Variants in ARPP21 observed in about 807,000 individuals in gnomAD.
ARPP21 encodes cAMP-regulated phosphoprotein 21.
Under a neutral mutation model 113.2 loss-of-function variants are expected in ARPP21, and 69 were observed. The ratio of observed to expected loss-of-function variants is 0.61; its 90% CI spans 0.50 to 0.74. ARPP21 has a LOEUF of 0.74. Among genes scored for constraint, ARPP21 ranks in the 30% least tolerant of loss-of-function variants. The pLI is 0.00. For missense variants in ARPP21, 1,070 were observed against 1,037.4 expected, an observed-to-expected ratio of 1.03 and a Z score of -0.43; for synonymous variants, 368 against 375.5, an observed-to-expected ratio of 0.98 and a Z score of 0.23.
intron 19 of ARPP21, among the ~76,000 whole-genome samples, chr3:35,776,866 T>C (rs1186760810): frequency 6.6e-6 from 1 of 152,166 alleles, no homozygotes; most frequent in African/African-American, 2.4e-5. Flanking sequence ...CCTGGATATC[T>C]GCTTCCCAGT....
At chr3:35,746,509 A>C (rs1244274926) in intron 19 of ARPP21, among the ~76,000 whole-genome samples, 1 of 152,146 alleles carries the variant, frequency 6.6e-6, no homozygotes, top group East Asian at 1.9e-4. Flanking sequence ...TCCATCTTTA[A>C]GTCAAACTAT....
At position 35,706,959 on chromosome 3, in the gene ARPP21, T is replaced by A; in HGVS notation, c.687-15T>A. On this transcript the variant is annotated splice_polypyrimidine_tract_variant and intron_variant, in intron 9 of 20. Transcript: ENST00000684406. ...GGAAAAACTTTTTTATTGATATGTT[T>A]TACTTTGCTGGCAGACCAGAGCAAA... is the stretch of plus-strand genomic sequence containing the variant. 1 of 1,601,058 alleles carries A rather than the reference T, an allele frequency of 6.2e-7. No homozygotes were observed. The highest frequency in any genetic ancestry group is 8.5e-7 in the Non-Finnish European group (1 of 1,172,528).
chr3:35,692,343 A>G (rs1324701825), intron 9 of ARPP21, among the ~76,000 whole-genome samples: 1 of 151,666 alleles, frequency 6.6e-6, no homozygotes, highest in Non-Finnish European at 1.5e-5. Context: ...AGAATCCTTT[A>G]TATCTTCCCT....
chr3:35,773,081 G>T (rs1392757265), intron 19 of ARPP21, among the ~76,000 whole-genome samples: 1 of 152,086 alleles, frequency 6.6e-6, no homozygotes, highest in Non-Finnish European at 1.5e-5. Context: ...CTCAAGCAGG[G>T]TCTTGAAAAT....
chr3:35,777,216 C>A (rs535754102), intron 19 of ARPP21, among the ~76,000 whole-genome samples: 20 of 152,212 alleles, frequency 1.3e-4, no homozygotes, highest in Non-Finnish European at 2.1e-4. Flanking sequence ...TGAAAATACC[C>A]CTATTTACTG....
chr3:35,736,495 A>G (rs1229832885), intron 15 of ARPP21, among the ~76,000 whole-genome samples: 1 of 152,228 alleles, frequency 6.6e-6, no homozygotes, highest in Non-Finnish European at 1.5e-5. Flanking sequence ...TACTATGACG[A>G]ATAGCAGTAT....
At chr3:35,724,614 C>G (rs1433994449) in intron 14 of ARPP21, among the ~76,000 whole-genome samples, 1 of 152,200 alleles carries the variant, frequency 6.6e-6, no homozygotes, top group East Asian at 1.9e-4. Flanking sequence ...TCAAAAACAA[C>G]TGCTCTGGAG....
intron 9 of ARPP21, among the ~76,000 whole-genome samples, chr3:35,694,934 TAATA>T (rs2083402364): frequency 6.8e-6 from 1 of 147,432 alleles, no homozygotes; most frequent in Admixed American, 6.8e-5. Context: ...ATATTATACA[TAATA>T]TATATATTTA....
intron 14 of ARPP21, among the ~76,000 whole-genome samples, chr3:35,726,168 C>T (rs918473088): frequency 6.6e-6 from 1 of 152,200 alleles, no homozygotes; most frequent in Admixed American, 6.5e-5. Context: ...TCATGGTTAT[C>T]ATTAAACCTC....
At chr3:35,707,188 C>A in intron 10 of ARPP21, 106 bp downstream of exon 10, 1 of 816,036 alleles carries the variant, frequency 1.2e-6, no homozygotes. Context: ...CAATCCTCCC[C>A]TGCCTCTGAT....
chr3:35,729,554 T>TG lies in ARPP21; in HGVS notation c.1459+18_1459+19insG. 6 of 1,582,568 alleles carry TG rather than the reference T, an allele frequency of 3.8e-6. No individual in the cohort carries two copies. The highest frequency in any genetic ancestry group is 5.2e-6 in the Non-Finnish European group (6 of 1,151,330). On this transcript the variant is annotated intron_variant, in intron 15 of 20. Coordinates refer to ENST00000684406, the MANE Select transcript of ARPP21 (RefSeq NM_001385562.1). ...ACACACAGGTGAGTTACTACCTGCT[T>TG]TATCAGGGACACAAGGCTTTCAGAT...
intron 1 of ARPP21, chr3:35,641,388 A>G (rs1698025338): frequency 6.6e-6 from 1 of 152,236 alleles, no homozygotes; most frequent in South Asian, 2.1e-4. Flanking sequence ...TTAAGTAAAC[A>G]GAGAAGTGGA....
intron 1 of ARPP21, among the ~76,000 whole-genome samples, chr3:35,647,000 C>T (rs902240580): frequency 6.6e-6 from 1 of 152,090 alleles, no homozygotes; most frequent in African/African-American, 2.4e-5. Context: ...GAAATTTTCA[C>T]GTAATCACTA....
intron 20 of ARPP21, among the ~76,000 whole-genome samples, chr3:35,793,484 T>C (rs1339628526): frequency 1.3e-5 from 2 of 152,192 alleles, no homozygotes; most frequent in East Asian, 1.9e-4. Flanking sequence ...CTTTCAATGG[T>C]ACTTTGAAGC....
At chr3:35,652,965 T>C (rs13061614) in intron 1 of ARPP21, among the ~76,000 whole-genome samples, 52,967 of 151,874 alleles carry the variant, frequency 0.35, 9,704 homozygotes, top group East Asian at 0.5. Flanking sequence ...TCTGTAGCCT[T>C]GTGAGTATTA....
At chr3:35,684,405 T>G in intron 5 of ARPP21, 1 of 976,632 alleles carries the variant, frequency 1.0e-6, no homozygotes, top group Non-Finnish European at 1.2e-6. Context: ...ATTTTTACCC[T>G]TATTTTTGCT....
At chr3:35,651,253 A>G (rs1294544559) in intron 1 of ARPP21, among the ~76,000 whole-genome samples, 3 of 152,004 alleles carry the variant, frequency 2.0e-5, no homozygotes, top group Non-Finnish European at 2.9e-5. Context: ...GGAGGCAGAG[A>G]GATGTCTGGA....
At chr3:35,651,575 G>C (rs899913173) in intron 1 of ARPP21, 1 of 152,018 alleles carries the variant, frequency 6.6e-6, no homozygotes. Flanking sequence ...GTTAAGAAAA[G>C]AAAATCTGGG....
intron 11 of ARPP21, among the ~76,000 whole-genome samples, chr3:35,711,063 C>G (rs938569974): frequency 2.0e-5 from 3 of 152,198 alleles, no homozygotes; most frequent in Non-Finnish European, 4.4e-5. Flanking sequence ...CATTTGGCAG[C>G]CTTCTTTAAA....
Sources: gnomAD v4.1 joint callset for allele counts (sites outside exome capture counted in the v4.1 genomes callset) on GRCh38, gnomAD v4.1.1 for gene constraint, MANE v1.5 for transcripts, NCBI Gene and HGNC (gene_info 2026-07-23, HGNC 2026-07-21) for gene names.